The following BLTP3A variants were observed in gnomAD, a reference collection of about 807,000 sequenced individuals.
The protein encoded by BLTP3A is ICBP90 binding protein 1.
At chr6:34,865,676 A>G in the BLTP3A span, among the ~76,000 whole-genome samples, 1 of 152,152 alleles carries the variant, frequency 6.6e-6, no homozygotes, top group African/African-American at 2.4e-5. Context: ...TTTTCTCTAC[A>G]TCCTTGCCAA....
the BLTP3A span, among the ~76,000 whole-genome samples, chr6:34,844,075 G>A: frequency 2.8e-4 from 43 of 152,252 alleles, no homozygotes; most frequent in South Asian, 1.2e-3. Flanking sequence ...CCGCCTCCCA[G>A]GTTCACACCA....
chr6:34,871,584 G>T, the BLTP3A span: 1 of 1,612,340 alleles, frequency 6.2e-7, no homozygotes, highest in Non-Finnish European at 8.5e-7. Flanking sequence ...TTTCCTGCAG[G>T]ATGATATCCC....
chr6:34,792,317 C>G, the BLTP3A span: 3 of 1,538,794 alleles, frequency 1.9e-6, no homozygotes, highest in African/African-American at 4.2e-5. Context: ...GCGCCGGCCC[C>G]CGGCGGTCCT....
the BLTP3A span, chr6:34,873,310 C>G: frequency 6.6e-6 from 1 of 152,394 alleles, no homozygotes; most frequent in Non-Finnish European, 1.5e-5. Flanking sequence ...CCCAGCTGTG[C>G]TGAGTGGCTC....
chr6:34,826,115 G>A, the BLTP3A span, among the ~76,000 whole-genome samples: 4 of 137,420 alleles, frequency 2.9e-5, no homozygotes, highest in African/African-American at 8.3e-5. Flanking sequence ...TGCAACCACC[G>A]CTTCCTGGGT....
chr6:34,810,880 T>G, the BLTP3A span, among the ~76,000 whole-genome samples: 3 of 152,242 alleles, frequency 2.0e-5, no homozygotes, highest in Non-Finnish European at 4.4e-5. Context: ...AAATTTCAAC[T>G]TTTTATAATA....
the BLTP3A span, among the ~76,000 whole-genome samples, chr6:34,792,474 C>T: frequency 8.5e-5 from 13 of 152,316 alleles, no homozygotes; most frequent in Admixed American, 3.3e-4. Flanking sequence ...CGGCGCCCAC[C>T]GTTGTCGCCG....
the BLTP3A span, among the ~76,000 whole-genome samples, chr6:34,829,857 T>C: frequency 1.3e-5 from 2 of 152,048 alleles, no homozygotes; most frequent in Non-Finnish European, 2.9e-5. Context: ...CAAGCTGGAG[T>C]GCAGTGGCGC....
At chr6:34,796,309 T>C in the BLTP3A span, among the ~76,000 whole-genome samples, 1 of 152,166 alleles carries the variant, frequency 6.6e-6, no homozygotes, top group Non-Finnish European at 1.5e-5. Flanking sequence ...GTAGAGTATT[T>C]TGGTAAACGA....
At chr6:34,857,424 T>C in the BLTP3A span, 12 of 1,614,096 alleles carry the variant, frequency 7.4e-6, no homozygotes, top group Non-Finnish European at 7.6e-6. Context: ...CTGCCATTCA[T>C]ATTGAGTTCA....
At chr6:34,794,629 G>A in the BLTP3A span, among the ~76,000 whole-genome samples, 5 of 152,124 alleles carry the variant, frequency 3.3e-5, no homozygotes, top group Non-Finnish European at 7.4e-5. Context: ...ATCTAGTTTC[G>A]TACCTCATTT....
the BLTP3A span, among the ~76,000 whole-genome samples, chr6:34,837,779 A>G: frequency 1.3e-5 from 2 of 152,196 alleles, no homozygotes; most frequent in Non-Finnish European, 2.9e-5. Flanking sequence ...TTGCCACCAC[A>G]GGAAATAATT....
chr6:34,840,092 A>G, the BLTP3A span, among the ~76,000 whole-genome samples: 2 of 152,260 alleles, frequency 1.3e-5, no homozygotes, highest in South Asian at 4.1e-4. Flanking sequence ...CCTGTGCTCT[A>G]AACTTGCTGA....
At chr6:34,864,903 G>A in the BLTP3A span, among the ~76,000 whole-genome samples, 2 of 152,122 alleles carry the variant, frequency 1.3e-5, 1 homozygote. Flanking sequence ...GGGAGGTGGA[G>A]GATGCAGTGA....
At chr6:34,872,673 C>G in the BLTP3A span, 55 of 399,158 alleles carry the variant, frequency 1.4e-4, no homozygotes, top group Non-Finnish European at 1.8e-4. Context: ...GTGTGTGGCA[C>G]AAGCATCATG....
chr6:34,808,069 C>T, the BLTP3A span, among the ~76,000 whole-genome samples: 8 of 140,570 alleles, frequency 5.7e-5, no homozygotes, highest in African/African-American at 1.3e-4. Flanking sequence ...GTGGGCCAGG[C>T]GCGGTGGCTC....
the BLTP3A span, chr6:34,871,759 A>C: frequency 6.2e-7 from 1 of 1,611,616 alleles, no homozygotes; most frequent in Admixed American, 1.7e-5. Context: ...GGTGACACCT[A>C]GGAACTGTTT....
the BLTP3A span, chr6:34,875,820 C>T: frequency 6.6e-6 from 1 of 152,300 alleles, no homozygotes; most frequent in Non-Finnish European, 1.5e-5. Flanking sequence ...TGGTAGTCCT[C>T]AGGATTAAGT....
chr6:34,875,510 T>C, the BLTP3A span: 1 of 152,178 alleles, frequency 6.6e-6, no homozygotes, highest in Non-Finnish European at 1.5e-5. Flanking sequence ...CTTGGTATAA[T>C]TTACCTACAC....
Sources: allele counts gnomAD v4.1 joint callset (sites outside exome capture counted in the v4.1 genomes callset), GRCh38; gene constraint gnomAD v4.1.1; transcripts MANE v1.5; gene names NCBI Gene and HGNC (gene_info 2026-07-23, HGNC 2026-07-21).